Variants in OXR1 observed in about 807,000 individuals in gnomAD.
OXR1 encodes oxidation resistance 1, also known as oxidation resistance protein 1.
A neutral mutation model predicts 104.6 loss-of-function variants in OXR1; 41 were observed. The ratio of observed to expected loss-of-function variants is 0.39; its 90% confidence interval spans 0.31 to 0.51. The LOEUF (loss-of-function observed/expected upper bound fraction) is 0.51, where lower values mean the gene tolerates loss of function less well. Ranked by LOEUF, OXR1 falls within the 20% of genes least tolerant of loss-of-function variation. The pLI is 0.77. For synonymous variants in OXR1, 348 were observed against 348.4 expected (o/e 1.00, Z 0.01); for missense variants, 955 against 1,031.9 (o/e 0.93, Z 1.02).
chr8:106,542,350 G>A (rs981622305), intron 3 of OXR1, among the ~76,000 whole-genome samples: 1 of 151,970 alleles, frequency 6.6e-6, no homozygotes, highest in Non-Finnish European at 1.5e-5. Flanking sequence ...CACTTGACTG[G>A]GGAAAACACT....
chr8:106,417,917 A>T (rs1285475292), intron 2 of OXR1, among the ~76,000 whole-genome samples: 4 of 152,126 alleles, frequency 2.6e-5, no homozygotes, highest in African/African-American at 9.7e-5. Context: ...AGCATTGGTG[A>T]TGGGGTGGGC....
intron 11 of OXR1, among the ~76,000 whole-genome samples, chr8:106,722,763 G>A (rs767087727): frequency 2.0e-5 from 3 of 152,098 alleles, no homozygotes; most frequent in Admixed American, 1.3e-4. Context: ...TTCACAAAAC[G>A]AAATTGCTTA....
chr8:106,702,136 GT>G (rs1476568372), intron 7 of OXR1, among the ~76,000 whole-genome samples: 2 of 152,056 alleles, frequency 1.3e-5, no homozygotes, highest in African/African-American at 4.8e-5. Flanking sequence ...GGCCCAGCTA[GT>G]TTGTGTTTTT....
chr8:106,416,716 A>G (rs1818694607), intron 2 of OXR1, among the ~76,000 whole-genome samples: 1 of 152,066 alleles, frequency 6.6e-6, no homozygotes, highest in African/African-American at 2.4e-5. Context: ...GGTATGAAGC[A>G]TATTTGGCCT....
intron 2 of OXR1, among the ~76,000 whole-genome samples, chr8:106,452,047 G>A (rs974499728): frequency 6.6e-6 from 1 of 152,132 alleles, no homozygotes; most frequent in African/African-American, 2.4e-5. Context: ...GAGGCTAGCC[G>A]ACATATTGTA....
rs1435240488 is a variant in OXR1 at position 106,449,623 on chromosome 8, G to A, written c.24-69320G>A. Reference sequence around the variant, plus strand: ...GCAGCTAGTAAATGATGATGGTAGAGTCCACAGAAGCTTGGTAATAGATTT... The same window carrying A: ...GCAGCTAGTAAATGATGATGGTAGAATCCACAGAAGCTTGGTAATAGATTT... On this transcript the variant is annotated intron_variant, in intron 2 of 16. Coordinates refer to ENST00000517566, the MANE Select transcript of OXR1 (RefSeq NM_001198533.2). Among the ~76,000 whole-genome samples, 11 of 152,270 alleles carry A rather than the reference G, an allele frequency of 7.2e-5. No homozygotes were observed. In the East Asian group the frequency reaches 1.9e-3, roughly 27 times the overall value.
intron 2 of OXR1, among the ~76,000 whole-genome samples, chr8:106,428,367 A>G (rs1819218648): frequency 6.6e-6 from 1 of 152,218 alleles, no homozygotes; most frequent in South Asian, 2.1e-4. Flanking sequence ...TTTTCCAAAA[A>G]GACTTTTACC....
intron 3 of OXR1, among the ~76,000 whole-genome samples, chr8:106,655,402 A>T (rs1824965571): frequency 6.6e-6 from 1 of 152,012 alleles, no homozygotes; most frequent in African/African-American, 2.4e-5. Flanking sequence ...TGTGGCTGAT[A>T]GAGGAAGGAT....
At position 106,448,133 on chromosome 8, in the gene OXR1, T is replaced by G. The variant is rs1444388373; in HGVS notation, c.24-70810T>G. ...TCCTAGTTCCATTATAAAATAGCTC[T>G]CTGATTTCTGTGCAAGTGAGAAATC... On this transcript the variant is annotated intron_variant, in intron 2 of 16. Coordinates refer to ENST00000517566, the MANE Select transcript of OXR1 (RefSeq NM_001198533.2). 6 of 1,399,450 alleles carry G rather than the reference T, an allele frequency of 4.3e-6. 1 individual carries two copies. The allele number at this position is 1,399,450 out of a possible 1,614,324, so 86.7% of individuals were successfully genotyped here.
At chr8:106,545,045 C>T (rs1347882414) in intron 3 of OXR1, among the ~76,000 whole-genome samples, 1 of 152,088 alleles carries the variant, frequency 6.6e-6, no homozygotes, top group Non-Finnish European at 1.5e-5. Context: ...TGAAAGCGGT[C>T]CCGTGCACTA....
At chr8:106,281,671 AC>A (rs1813566027) in intron 1 of OXR1, among the ~76,000 whole-genome samples, 2 of 151,950 alleles carry the variant, frequency 1.3e-5, no homozygotes, top group Admixed American at 1.3e-4. Flanking sequence ...GCACTGGCGC[AC>A]GCCTGTAGTC....
chr8:106,709,233 A>G lies in OXR1; in HGVS notation c.1625-1389A>G, dbSNP rs188534017. Among the ~76,000 whole-genome samples the G allele has an allele frequency of 8.5e-5, 13 of 152,284 alleles. No individual in the cohort carries two copies. In the East Asian group the frequency reaches 2.5e-3, roughly 29 times the overall value. On this transcript the variant is annotated intron_variant, in intron 9 of 16. Transcript: ENST00000517566. ...TCATATGTGTTAATTTGTTATTTAC[A>G]TCAAATCAAGATTATACTATACTGT... is the stretch of plus-strand genomic sequence containing the variant.
chr8:106,559,617 A>G (rs1434774742), intron 3 of OXR1, among the ~76,000 whole-genome samples: 1 of 152,248 alleles, frequency 6.6e-6, no homozygotes, highest in African/African-American at 2.4e-5. Context: ...TTCTTACAGT[A>G]CTAGAGGCTG....
chr8:106,347,877 A>G, intron 1 of OXR1, among the ~76,000 whole-genome samples: 1 of 152,334 alleles, frequency 6.6e-6, no homozygotes, highest in Non-Finnish European at 1.5e-5. Flanking sequence ...TCATATTATT[A>G]ACATTTAGTG....
intron 2 of OXR1, among the ~76,000 whole-genome samples, chr8:106,455,709 G>A (rs1433795924): frequency 6.6e-6 from 1 of 152,126 alleles, no homozygotes; most frequent in Non-Finnish European, 1.5e-5. Flanking sequence ...CAGTTACCTG[G>A]GGTCAGAGTC....
intron 1 of OXR1, among the ~76,000 whole-genome samples, chr8:106,346,901 G>A (rs1460106381): frequency 1.3e-5 from 2 of 152,136 alleles, no homozygotes; most frequent in Non-Finnish European, 2.9e-5. Flanking sequence ...AAATTAGCCG[G>A]GCGTGGTGGC....
At chr8:106,670,486 T>A (rs1826829707) in intron 3 of OXR1, among the ~76,000 whole-genome samples, 1 of 152,176 alleles carries the variant, frequency 6.6e-6, no homozygotes, top group African/African-American at 2.4e-5. Context: ...ACGGTAACTC[T>A]AGATATTCTA....
At chr8:106,400,905 A>C (rs1238411067) in intron 2 of OXR1, among the ~76,000 whole-genome samples, 1 of 152,222 alleles carries the variant, frequency 6.6e-6, no homozygotes, top group Admixed American at 6.5e-5. Flanking sequence ...AATTTAGTCA[A>C]CATGGTTTAT....
At chr8:106,749,139 G>A (rs1041329924) in intron 16 of OXR1, among the ~76,000 whole-genome samples, 6 of 151,774 alleles carry the variant, frequency 4.0e-5, no homozygotes, top group Admixed American at 3.3e-4. Context: ...TCAGGAGATC[G>A]ATACCATCCT....
Sources: gnomAD v4.1 joint callset for allele counts (sites outside exome capture counted in the v4.1 genomes callset) on GRCh38, gnomAD v4.1.1 for gene constraint, MANE v1.5 for transcripts, NCBI Gene and HGNC (gene_info 2026-07-23, HGNC 2026-07-21) for gene names.